Variants in ATF7IP observed in about 807,000 individuals in gnomAD.
The protein encoded by ATF7IP is activating transcription factor 7 interacting protein.
A neutral mutation model predicts 106.4 loss-of-function variants in ATF7IP; 23 were observed. The ratio of observed to expected loss-of-function variants is 0.22; its 90% CI spans 0.16 to 0.31. ATF7IP has a LOEUF of 0.31. Ranked by LOEUF, ATF7IP falls within the 10% of genes least tolerant of loss-of-function variation. The pLI is 1.00. For missense variants in ATF7IP, 1,334 were observed against 1,524.3 expected (o/e 0.88, Z 2.08); for synonymous variants, 542 against 539.0 (o/e 1.01, Z -0.08).
chr12:14,376,892 C>A (rs1938761271), intron 1 of ATF7IP, among the ~76,000 whole-genome samples: 1 of 152,076 alleles, frequency 6.6e-6, no homozygotes, highest in Admixed American at 6.5e-5. Context: ...CGCCACTACA[C>A]TCCAGCGTGG....
At position 14,481,464 on chromosome 12, in the gene ATF7IP, G is replaced by C. The variant is rs1392812895; in HGVS notation, c.3280+279G>C. 3 of 502,450 alleles carry C rather than the reference G, an allele frequency of 6.0e-6. No homozygotes were observed. The East Asian group carries it at 1.1e-4, about 19-fold the overall frequency. The allele number at this position is 502,450 out of a possible 1,614,324, so 31.1% of individuals were successfully genotyped here. On this transcript the variant is annotated intron_variant, in intron 13 of 14. Coordinates refer to ENST00000261168, the MANE Select transcript of ATF7IP (RefSeq NM_018179.5). The stretch of plus-strand genomic sequence containing the variant: ...TGTGAGATCATGCATATGTCAGCTA[G>C]ATTTAGCCATTCTGCAGTGTATGCA...
intron 6 of ATF7IP, among the ~76,000 whole-genome samples, chr12:14,448,060 ATTTTT>A (rs112911012): frequency 1.3e-5 from 2 of 151,314 alleles, no homozygotes; most frequent in African/African-American, 4.9e-5. Context: ...TTCCTCCTGA[ATTTTT>A]TTTGTTTTTA....
chr12:14,418,416 C>G (rs1205821594), intron 1 of ATF7IP, among the ~76,000 whole-genome samples: 1 of 152,128 alleles, frequency 6.6e-6, no homozygotes, highest in African/African-American at 2.4e-5. Flanking sequence ...AAATGAATTA[C>G]AGTCATGTGA....
At chr12:14,379,942 C>T (rs968746028) in intron 1 of ATF7IP, among the ~76,000 whole-genome samples, 2 of 151,876 alleles carry the variant, frequency 1.3e-5, no homozygotes, top group Admixed American at 1.3e-4. Flanking sequence ...AAATTCTTGC[C>T]CTTCAACTCT....
chr12:14,474,726 G>A (rs914957929), intron 10 of ATF7IP, among the ~76,000 whole-genome samples: 1 of 152,074 alleles, frequency 6.6e-6, no homozygotes, highest in Non-Finnish European at 1.5e-5. Context: ...AGCTACTTTC[G>A]AGTCTTTATC....
chr12:14,448,041 T>G (rs1035850022), intron 6 of ATF7IP, among the ~76,000 whole-genome samples: 23 of 146,040 alleles, frequency 1.6e-4, no homozygotes, highest in Non-Finnish European at 9.0e-5. Context: ...TAGTTGGATT[T>G]ATTTTCTTTT....
chr12:14,381,068 C>A (rs567896793), intron 1 of ATF7IP, among the ~76,000 whole-genome samples: 1 of 152,252 alleles, frequency 6.6e-6, no homozygotes, highest in East Asian at 1.9e-4. Flanking sequence ...GCCATTTTAT[C>A]GTTCTCTCTG....
chr12:14,426,662 A>C (rs552875063), intron 2 of ATF7IP, among the ~76,000 whole-genome samples: 1 of 150,824 alleles, frequency 6.6e-6, no homozygotes, highest in African/African-American at 2.4e-5. Flanking sequence ...CCCCGTCTCT[A>C]CAAAAGTACA....
At position 14,500,762 on chromosome 12, in the gene ATF7IP, C is replaced by T. The variant is rs183432600; in HGVS notation, c.*2689C>T. Reference sequence around the variant, plus strand: ...AAAAGCTTTCATAGCATTATATAATCAGATGAAGAAAGCCCAGTAGAATAA... The same window carrying T: ...AAAAGCTTTCATAGCATTATATAATTAGATGAAGAAAGCCCAGTAGAATAA... On this transcript the variant is annotated 3_prime_UTR_variant, in exon 15 of 15. Coordinates refer to ENST00000261168, the MANE Select transcript of ATF7IP (RefSeq NM_018179.5). 39 of 151,912 alleles carry T rather than the reference C, an allele frequency of 2.6e-4. No homozygotes were observed. The highest frequency in any genetic ancestry group is 8.9e-4 in the African/African-American group (37 of 41,452). 9.4% of individuals were successfully genotyped at this position (151,912 alleles called of 1,614,324 possible). A position where few individuals can be genotyped will look rare whatever the true frequency, so the allele number is the denominator to read the frequency against.
At chr12:14,430,521 G>C (rs1942063411) in intron 2 of ATF7IP, among the ~76,000 whole-genome samples, 1 of 152,152 alleles carries the variant, frequency 6.6e-6, no homozygotes, top group Non-Finnish European at 1.5e-5. Flanking sequence ...CAAAATGTCT[G>C]GAAAAGTCAC....
chr12:14,463,018 A>G (rs1943700509), intron 9 of ATF7IP, among the ~76,000 whole-genome samples: 1 of 152,022 alleles, frequency 6.6e-6, no homozygotes, highest in Non-Finnish European at 1.5e-5. Flanking sequence ...GACTTTATTA[A>G]TAAATTATTA....
At chr12:14,484,647 C>CTTA (rs1221177752) in intron 13 of ATF7IP, among the ~76,000 whole-genome samples, 2 of 152,170 alleles carry the variant, frequency 1.3e-5, no homozygotes, top group African/African-American at 4.8e-5. Context: ...AGGCCCTAGT[C>CTTA]ATCTGTTCCG....
chr12:14,390,798 G>A (rs1488550869), intron 1 of ATF7IP, among the ~76,000 whole-genome samples: 1 of 152,166 alleles, frequency 6.6e-6, no homozygotes. Context: ...CAGTGTCTAT[G>A]TGAAGACTAC....
chr12:14,421,664 C>T (rs1417122062), intron 1 of ATF7IP, among the ~76,000 whole-genome samples: 1 of 152,148 alleles, frequency 6.6e-6, no homozygotes, highest in African/African-American at 2.4e-5. Context: ...CGAATAAGGT[C>T]ACATTCTGAG....
At position 14,460,562 on chromosome 12, in the gene ATF7IP, G is replaced by C. The variant is rs970108918; in HGVS notation, c.2226G>C (p.Val742=). The stretch of plus-strand genomic sequence containing the variant: ...GTCAACCTAAATTGCAGACTCCAGT[G>C]ACTTCGGGTTCCCTCACAGCAACGT... The part of the protein sequence containing the change: ...VSSQPKLQTP[V]TSGSLTATSV... The change falls in exon 9 of 15, where the codon GTG becomes GTC. Residue 742 remains valine (V), a synonymous_variant. Coordinates refer to ENST00000261168, the MANE Select transcript of ATF7IP (RefSeq NM_018179.5). The C allele has an allele frequency of 6.2e-7, 1 of 1,614,170 alleles. No homozygotes were observed. The highest frequency in any genetic ancestry group is 1.7e-5 in the Admixed American group (1 of 60,012).
In ATF7IP at chr12:14,425,463, G is replaced by T; in HGVS notation, c.1548G>T (p.Thr516=). The change falls in exon 2 of 15, where the codon ACG becomes ACT. Residue 516 remains threonine (T), a synonymous_variant. Coordinates refer to ENST00000261168, the MANE Select transcript of ATF7IP (RefSeq NM_018179.5). The part of the protein sequence containing the change: ...DESEVISQNE[T]CSPAEVESNE... Reference sequence around the variant, plus strand: ...CTGAAGTTATATCGCAAAATGAAACGTGCTCTCCAGGTTAGCATATAACTT... The same window carrying T: ...CTGAAGTTATATCGCAAAATGAAACTTGCTCTCCAGGTTAGCATATAACTT... The T allele has an allele frequency of 4.5e-6, 7 of 1,549,670 alleles. No individual in the cohort carries two copies. Among genetic ancestry groups the T allele is most frequent in the Non-Finnish European group, 6.1e-6 (7 of 1,151,546 alleles).
intron 1 of ATF7IP, among the ~76,000 whole-genome samples, chr12:14,420,769 C>G (rs1941467700): frequency 6.6e-6 from 1 of 152,218 alleles, no homozygotes; most frequent in Admixed American, 6.5e-5. Context: ...AACAGCATGG[C>G]TTAACTGTAA....
rs569048265 is a variant in ATF7IP at position 14,402,892 on chromosome 12, C to A, written c.-7-21017C>A. ...GGATTACAGTCATGAGCCACAGCTC[C>A]TGGCCTGAATGTTTTCTTTATTGTA... is the stretch of plus-strand genomic sequence containing the variant. On this transcript the variant is annotated intron_variant, in intron 1 of 14. Coordinates refer to ENST00000261168, the MANE Select transcript of ATF7IP (RefSeq NM_018179.5). Among the ~76,000 whole-genome samples the A allele has an allele frequency of 3.3e-5, 5 of 152,266 alleles. No homozygotes were observed. The East Asian group carries it at 9.6e-4, about 29-fold the overall frequency.
chr12:14,448,926 C>G lies in ATF7IP; in HGVS notation c.1995+1873C>G, dbSNP rs181953238. On this transcript the variant is annotated intron_variant, in intron 6 of 14. Coordinates refer to ENST00000261168, the MANE Select transcript of ATF7IP (RefSeq NM_018179.5). ...GTGATGTTGAGCATCTTTTCATATG[C>G]TTGTTGGCCATTTATGTATCTCCTT... 1.2e-3 allele frequency among the ~76,000 whole-genome samples: 181 copies of G among 152,206 alleles called. 2 individuals are homozygous for G. The highest frequency in any genetic ancestry group is 2.0e-3 in the Non-Finnish European group (137 of 67,980).
Sources: allele counts gnomAD v4.1 joint callset (sites outside exome capture counted in the v4.1 genomes callset), GRCh38; gene constraint gnomAD v4.1.1; transcripts MANE v1.5; gene names NCBI Gene and HGNC (gene_info 2026-07-23, HGNC 2026-07-21).